The following ZSWIM5 variants were observed in gnomAD, a reference collection of about 807,000 sequenced individuals.
ZSWIM5 encodes the protein zinc finger SWIM domain-containing protein 5.
Under a neutral mutation model 119.6 loss-of-function variants are expected in ZSWIM5, and 55 were observed. The observed-to-expected ratio is 0.46, with a 90% CI of 0.37 to 0.58. The LOEUF (loss-of-function observed/expected upper bound fraction) is 0.58, where lower values mean the gene tolerates loss of function less well. Ranked by LOEUF, ZSWIM5 falls within the 20% of genes least tolerant of loss-of-function variation. The pLI is 0.00. For missense variants in ZSWIM5, 1,193 were observed against 1,512.8 expected (o/e 0.79, Z 3.51); for synonymous variants, 537 against 606.9 (o/e 0.88, Z 1.69).
At chr1:45,108,683 A>C (rs976853914) in intron 1 of ZSWIM5, among the ~76,000 whole-genome samples, 27 of 151,982 alleles carry the variant, frequency 1.8e-4, no homozygotes, top group African/African-American at 6.0e-4. Context: ...AGTGTCTGGC[A>C]TACTGTAAGC....
intron 11 of ZSWIM5, among the ~76,000 whole-genome samples, chr1:45,022,901 G>A (rs1404772528): frequency 6.6e-6 from 1 of 152,102 alleles, no homozygotes; most frequent in East Asian, 1.9e-4. Context: ...CATTACACGT[G>A]GATTCAACAT....
At chr1:45,133,794 G>A (rs1284121871) in intron 1 of ZSWIM5, among the ~76,000 whole-genome samples, 2 of 152,030 alleles carry the variant, frequency 1.3e-5, no homozygotes, top group East Asian at 3.9e-4. Context: ...TGTATAAGGT[G>A]TAAGGAAGGG....
chr1:45,144,351 G>C lies in ZSWIM5; in HGVS notation c.596-56114C>G, dbSNP rs116162470. On this transcript the variant is annotated intron_variant, in intron 1 of 13. Coordinates refer to ENST00000359600, the MANE Select transcript of ZSWIM5 (RefSeq NM_020883.2). The stretch of plus-strand genomic sequence containing the variant: ...GAGACCAGCAAGGTCAGTATCACGA[G>C]ATCTTGTCTCTAGAAAAAAAAAAAA... Among the ~76,000 whole-genome samples the C allele has an allele frequency of 4.3e-3, 645 of 150,880 alleles. 6 individuals carry two copies. The highest frequency in any genetic ancestry group is 0.015 in the African/African-American group (610 of 41,086).
At position 45,057,663 on chromosome 1, in the gene ZSWIM5, C is replaced by T. The variant is rs567393223; in HGVS notation, c.1252+946G>A. ...CAGATTGGGCTTCCAGTGTTAGAGC[C>T]AAAACTTACTAGTGTGTGACCCTGA... On this transcript the variant is annotated intron_variant, in intron 4 of 13. Coordinates refer to ENST00000359600, the MANE Select transcript of ZSWIM5 (RefSeq NM_020883.2). This position sits in a 1 kb window ranked among gnomAD's most constrained non-coding sequence, Gnocchi z 4.7. Among the ~76,000 whole-genome samples the T allele has an allele frequency of 2.0e-5, 3 of 152,100 alleles. No individual in the cohort carries two copies. The highest frequency in any genetic ancestry group is 4.4e-5 in the Non-Finnish European group (3 of 68,016).
intron 1 of ZSWIM5, among the ~76,000 whole-genome samples, chr1:45,118,747 A>G (rs944319615): frequency 6.6e-6 from 1 of 151,522 alleles, no homozygotes; most frequent in African/African-American, 2.4e-5. Flanking sequence ...CAAAAAAAAA[A>G]AAAAAAAAGA....
Position 45,206,388 on chromosome 1 carries a change from T to G in ZSWIM5, c.-38A>C. On this transcript the variant is annotated 5_prime_UTR_variant, in exon 1 of 14. Transcript: ENST00000359600. ...ACTGACTGACTGAGGCGGCGGCGGCTGCTCGGGCTGCGGCGGAGACCCTGG... is the reference window on the plus strand; with the variant it reads ...ACTGACTGACTGAGGCGGCGGCGGCGGCTCGGGCTGCGGCGGAGACCCTGG... 1.5e-6 allele frequency: 2 copies of G among 1,353,884 alleles called. No homozygotes were observed. Among genetic ancestry groups the G allele is most frequent in the Non-Finnish European group, 1.9e-6 (2 of 1,056,346 alleles). The allele number at this position is 1,353,884 out of a possible 1,614,324, so 83.9% of individuals were successfully genotyped here.
chr1:45,072,264 C>T lies in ZSWIM5; in HGVS notation c.953-12017G>A, dbSNP rs1228295751. ...TGTTCAGATCTATTGCCCATTTTAA[C>T]ATCAGATTATTAGATTTTTTCCTAT... On this transcript the variant is annotated intron_variant, in intron 2 of 13. Coordinates refer to ENST00000359600, the MANE Select transcript of ZSWIM5 (RefSeq NM_020883.2). The surrounding 1 kb of genome is among the most constrained non-coding windows in gnomAD (Gnocchi z 4.1). 9.2e-5 allele frequency among the ~76,000 whole-genome samples: 14 copies of T among 151,906 alleles called. No individual in the cohort carries two copies. The highest frequency in any genetic ancestry group is 9.2e-4 in the Admixed American group (14 of 15,264).
At chr1:45,184,662 G>A (rs1259601307) in intron 1 of ZSWIM5, among the ~76,000 whole-genome samples, 1 of 151,778 alleles carries the variant, frequency 6.6e-6, no homozygotes, top group Non-Finnish European at 1.5e-5. Flanking sequence ...GCTTCAAAGA[G>A]AATAAAATAC....
chr1:45,033,601 A>T (rs1292259795), intron 11 of ZSWIM5, among the ~76,000 whole-genome samples: 1 of 84,660 alleles, frequency 1.2e-5, no homozygotes, highest in Non-Finnish European at 2.6e-5. Flanking sequence ...CAGGGCACTG[A>T]AAAAAAAATC....
At chr1:45,077,239 T>C (rs11211075) in intron 2 of ZSWIM5, among the ~76,000 whole-genome samples, 22,608 of 152,176 alleles carry the variant, frequency 0.15, 2,132 homozygotes, top group African/African-American at 0.26. Flanking sequence ...TACCTGTCTA[T>C]TGGGGAACCT....
At position 45,019,900 on chromosome 1, in the gene ZSWIM5, C is replaced by CA; in HGVS notation, c.2695+165dup. Among the ~76,000 whole-genome samples the CA allele has an allele frequency of 6.6e-6, 1 of 152,296 alleles. No individual in the cohort carries two copies. Among genetic ancestry groups the CA allele is most frequent in the African/African-American group, 2.4e-5 (1 of 41,556 alleles). On this transcript the variant is annotated intron_variant, in intron 13 of 13. Coordinates refer to ENST00000359600, the MANE Select transcript of ZSWIM5 (RefSeq NM_020883.2). This position sits in a 1 kb window ranked among gnomAD's most constrained non-coding sequence, Gnocchi z 5.0. ...GAAGACAGGGCTTGGGCTGGCTGAACAGAGGCCACCTTCTCCTACCAGCAG... is the reference window on the plus strand; with the variant it reads ...GAAGACAGGGCTTGGGCTGGCTGAACAAGAGGCCACCTTCTCCTACCAGCAG...
intron 1 of ZSWIM5, among the ~76,000 whole-genome samples, chr1:45,106,672 C>A (rs1435954143): frequency 1.3e-5 from 2 of 152,230 alleles, no homozygotes; most frequent in East Asian, 3.8e-4. Context: ...AGGAGCGCCT[C>A]CGCCAGGCTG....
intron 1 of ZSWIM5, among the ~76,000 whole-genome samples, chr1:45,092,541 C>G (rs895242953): frequency 3.4e-5 from 3 of 89,044 alleles, no homozygotes; most frequent in African/African-American, 1.2e-4. Context: ...GTGATCCACC[C>G]CCCCCCCCCC....
intron 1 of ZSWIM5, among the ~76,000 whole-genome samples, chr1:45,131,901 T>C (rs76122275): frequency 0.011 from 1,617 of 151,586 alleles, 29 homozygotes; most frequent in African/African-American, 0.037. Context: ...TATACAATTA[T>C]ACAATGTATG....
chr1:45,193,640 A>G (rs1247503697), intron 1 of ZSWIM5, among the ~76,000 whole-genome samples: 2 of 152,164 alleles, frequency 1.3e-5, no homozygotes, highest in Non-Finnish European at 2.9e-5. Context: ...GAATGAAAGC[A>G]TAAGTCAGAC....
chr1:45,027,014 A>AT (rs397808324), intron 11 of ZSWIM5, among the ~76,000 whole-genome samples: 5 of 147,878 alleles, frequency 3.4e-5, no homozygotes, highest in East Asian at 4.0e-4. Context: ...AGTTGTTCAA[A>AT]TTTTTTTTTT....
intron 10 of ZSWIM5, among the ~76,000 whole-genome samples, 154 bp downstream of exon 10, chr1:45,035,534 T>C (rs549626691): frequency 6.6e-6 from 1 of 152,274 alleles, no homozygotes; most frequent in South Asian, 2.1e-4. Flanking sequence ...TCCTAGATCA[T>C]ATAAAAATAT....
In ZSWIM5 at chr1:45,175,634, T is replaced by A. The variant is rs563480965; in HGVS notation, c.595+30122A>T. Among the ~76,000 whole-genome samples, 7 of 152,028 alleles carry A rather than the reference T, an allele frequency of 4.6e-5. No homozygotes were observed. In the South Asian group the frequency reaches 1.5e-3, roughly 32 times the overall value. The stretch of plus-strand genomic sequence containing the variant: ...CCCGGCTAATTTTTTAAAATTTTTG[T>A]AGAGACGGTGTTTTGCCATGTTGCC... On this transcript the variant is annotated intron_variant, in intron 1 of 13. Transcript: ENST00000359600.
At position 45,084,978 on chromosome 1, in the gene ZSWIM5, C is replaced by T. The variant is rs181684162; in HGVS notation, c.952+2903G>A. Among the ~76,000 whole-genome samples, 26 of 152,348 alleles carry T rather than the reference C, an allele frequency of 1.7e-4. No individual in the cohort carries two copies. The East Asian group carries it at 4.8e-3, about 28-fold the overall frequency. On this transcript the variant is annotated intron_variant, in intron 2 of 13. Transcript: ENST00000359600. ...GTGTGGGGGCTCCAACCCACATTTCCCCTCCACACTGCCCTAGTAGAGGTT... is the reference window on the plus strand; with the variant it reads ...GTGTGGGGGCTCCAACCCACATTTCTCCTCCACACTGCCCTAGTAGAGGTT...
Sources: gnomAD v4.1 joint callset for allele counts (sites outside exome capture counted in the v4.1 genomes callset) on GRCh38, gnomAD v4.1.1 for gene constraint, Gnocchi (gnomAD v3.1) non-coding constraint, MANE v1.5 for transcripts, NCBI Gene and HGNC (gene_info 2026-07-23, HGNC 2026-07-21) for gene names.